KCNIP4: variants seen among roughly 807,000 people sequenced by gnomAD.
The protein encoded by KCNIP4 is potassium voltage-gated channel interacting protein 4, also known as Kv channel-interacting protein 4.
Under a neutral mutation model 34.0 loss-of-function variants are expected in KCNIP4, and 12 were observed. The observed-to-expected ratio is 0.35, with a 90% CI of 0.23 to 0.57. KCNIP4 has a LOEUF of 0.57. Ranked by LOEUF, KCNIP4 falls within the 20% of genes least tolerant of loss-of-function variation. The pLI is 0.83. For missense variants in KCNIP4, 238 were observed against 311.7 expected (o/e 0.76, Z 1.78); for synonymous variants, 124 against 102.2 (o/e 1.21, Z -1.29).
intron 1 of KCNIP4, among the ~76,000 whole-genome samples, chr4:21,779,308 AT>A (rs2109209110): frequency 6.6e-6 from 1 of 152,278 alleles, no homozygotes; most frequent in Non-Finnish European, 1.5e-5. Context: ...TTTAAAAAGC[AT>A]AAAAATACTA....
At chr4:21,362,616 C>G (rs74865251) in intron 1 of KCNIP4, among the ~76,000 whole-genome samples, 25 of 152,180 alleles carry the variant, frequency 1.6e-4, no homozygotes, top group African/African-American at 2.2e-4. Flanking sequence ...ATTAAAAAAA[C>G]TCCCCTTCCC....
At chr4:21,433,023 C>T (rs1458515240) in intron 1 of KCNIP4, among the ~76,000 whole-genome samples, 1 of 152,180 alleles carries the variant, frequency 6.6e-6, no homozygotes, top group Non-Finnish European at 1.5e-5. Flanking sequence ...CTAAGTCTTT[C>T]TGTCATCTCA....
intron 2 of KCNIP4, 82 bp from the exon 3 acceptor site, chr4:20,850,749 A>G: frequency 1.3e-6 from 2 of 1,496,568 alleles, no homozygotes; most frequent in South Asian, 1.3e-5. Context: ...AAAACGGAAG[A>G]ACATGTCTGC....
chr4:21,924,338 G>A (rs10020163), intron 1 of KCNIP4, among the ~76,000 whole-genome samples: 37,077 of 149,450 alleles, frequency 0.25, 5,465 homozygotes, highest in East Asian at 0.61. Flanking sequence ...CTGCCTCCCC[G>A]GTTCACGCCA....
intron 1 of KCNIP4, among the ~76,000 whole-genome samples, chr4:21,652,290 A>G (rs1215243315): frequency 5.9e-5 from 9 of 152,162 alleles, no homozygotes. Flanking sequence ...TTATACTTCT[A>G]GCAGAACCTG....
intron 1 of KCNIP4, among the ~76,000 whole-genome samples, chr4:21,768,573 C>T (rs1018183083): frequency 6.6e-6 from 1 of 152,076 alleles, no homozygotes; most frequent in Non-Finnish European, 1.5e-5. Flanking sequence ...GTACTGCCAC[C>T]TGCTGGTAAG....
rs1158293825 is a variant in KCNIP4, at chr4:21,242,406, A to G, written c.62-359697T>C. 6.6e-5 allele frequency among the ~76,000 whole-genome samples: 10 copies of G among 152,256 alleles called. No homozygotes were observed. In the South Asian group the frequency reaches 2.1e-3, roughly 32 times the overall value. ...TTGAGACTGCCTTATCAGCGGTAAGATAAGGATAATAATAGTCATGGTGGT... is the reference window on the plus strand; with the variant it reads ...TTGAGACTGCCTTATCAGCGGTAAGGTAAGGATAATAATAGTCATGGTGGT... On this transcript the variant is annotated intron_variant, in intron 1 of 8. Transcript: ENST00000382152.
intron 1 of KCNIP4, among the ~76,000 whole-genome samples, chr4:21,482,558 C>T (rs1460451199): frequency 6.6e-6 from 1 of 152,076 alleles, no homozygotes; most frequent in Non-Finnish European, 1.5e-5. Context: ...TTTTATTTCT[C>T]CTTCACTTAT....
intron 3 of KCNIP4, among the ~76,000 whole-genome samples, chr4:20,842,289 A>T (rs909743607): frequency 2.0e-5 from 3 of 152,054 alleles, no homozygotes; most frequent in Non-Finnish European, 4.4e-5. Flanking sequence ...TGAAGAAGGG[A>T]ATTGTGGGAA....
At chr4:21,631,986 C>T (rs1577722829) in intron 1 of KCNIP4, among the ~76,000 whole-genome samples, 1 of 152,178 alleles carries the variant, frequency 6.6e-6, no homozygotes, top group African/African-American at 2.4e-5. Context: ...AGAATTATGC[C>T]ATCTTTTATC....
At chr4:20,967,500 G>A (rs1734479806) in intron 1 of KCNIP4, among the ~76,000 whole-genome samples, 1 of 152,202 alleles carries the variant, frequency 6.6e-6, no homozygotes, top group African/African-American at 2.4e-5. Context: ...CAGCAAAGCT[G>A]GAGGCATCAT....
At chr4:21,330,641 G>C (rs970125784) in intron 1 of KCNIP4, among the ~76,000 whole-genome samples, 32 of 152,030 alleles carry the variant, frequency 2.1e-4, no homozygotes, top group African/African-American at 7.7e-4. Context: ...AAACCCTATA[G>C]AGCATTCCGC....
chr4:21,089,145 A>C (rs1240193168), intron 1 of KCNIP4, among the ~76,000 whole-genome samples: 1 of 152,150 alleles, frequency 6.6e-6, no homozygotes, highest in African/African-American at 2.4e-5. Flanking sequence ...CCCTGCCCAA[A>C]TCTTGGATTG....
At chr4:21,524,292 A>G (rs1477347530) in intron 1 of KCNIP4, among the ~76,000 whole-genome samples, 7 of 152,166 alleles carry the variant, frequency 4.6e-5, no homozygotes, top group Admixed American at 2.0e-4. Flanking sequence ...CACACTAAAC[A>G]GATGTTTTGG....
At chr4:21,924,802 C>T (rs1729142872) in intron 1 of KCNIP4, among the ~76,000 whole-genome samples, 1 of 151,966 alleles carries the variant, frequency 6.6e-6, no homozygotes, top group Non-Finnish European at 1.5e-5. Flanking sequence ...TACCCCTCTC[C>T]TCCCTCTCCT....
chr4:20,778,683 A>G (rs1436032140), intron 3 of KCNIP4, among the ~76,000 whole-genome samples: 3 of 152,210 alleles, frequency 2.0e-5, no homozygotes, highest in Non-Finnish European at 4.4e-5. Context: ...ATTGGTAGCC[A>G]TGGAAAATAA....
At chr4:21,538,176 TAAG>T (rs1428491046) in intron 1 of KCNIP4, among the ~76,000 whole-genome samples, 2 of 152,024 alleles carry the variant, frequency 1.3e-5, no homozygotes, top group Non-Finnish European at 2.9e-5. Flanking sequence ...CTAGAAGAGA[TAAG>T]AAAGGAGACT....
chr4:21,602,208 C>A (rs1247550949), intron 1 of KCNIP4, among the ~76,000 whole-genome samples: 1 of 151,950 alleles, frequency 6.6e-6, no homozygotes, highest in Admixed American at 6.6e-5. Context: ...CTCTTTCACC[C>A]CAAACAGCAT....
At chr4:21,743,790 G>T (rs1159698853) in intron 1 of KCNIP4, among the ~76,000 whole-genome samples, 1 of 149,368 alleles carries the variant, frequency 6.7e-6, no homozygotes, top group East Asian at 2.0e-4. Flanking sequence ...AGATGCAAAG[G>T]TTATTTTCTG....
Sources: allele counts gnomAD v4.1 joint callset (sites outside exome capture counted in the v4.1 genomes callset), GRCh38; gene constraint gnomAD v4.1.1; transcripts MANE v1.5; gene names NCBI Gene and HGNC (gene_info 2026-07-23, HGNC 2026-07-21).